Variants in S100Z observed in about 807,000 individuals in gnomAD.
S100Z encodes S100 calcium binding protein Z.
S100Z carries 11 observed loss-of-function variants against 8.5 expected under a neutral mutation model. That is an observed-to-expected ratio of 1.30 (90% CI 0.82 to 2.15). The LOEUF (loss-of-function observed/expected upper bound fraction) is 2.15. Among genes scored for constraint, S100Z ranks in the 30% most tolerant of loss-of-function variants. The pLI, the probability that S100Z is intolerant of heterozygous loss-of-function variation, is 0.00. For synonymous variants in S100Z, 34 were observed against 43.8 expected (o/e 0.78, Z 0.89); for missense variants, 126 against 117.9 (o/e 1.07, Z -0.32).
the S100Z span, among the ~76,000 whole-genome samples, chr5:76,938,819 G>A: frequency 0.13 from 20,423 of 152,040 alleles, 1,480 homozygotes; most frequent in East Asian, 0.18. Context: ...AGGGCCCCAT[G>A]TTTTTAAACT....
intron 1 of S100Z, among the ~76,000 whole-genome samples, chr5:76,862,443 A>C (rs1751086680): frequency 6.6e-6 from 1 of 152,124 alleles, no homozygotes; most frequent in South Asian, 2.1e-4. Flanking sequence ...CATAGGGTGT[A>C]GCCAATTGGA....
At chr5:76,889,709 T>C (rs1743792186) in intron 4 of S100Z, among the ~76,000 whole-genome samples, 1 of 152,256 alleles carries the variant, frequency 6.6e-6, no homozygotes, top group African/African-American at 2.4e-5. Context: ...CCAAAAGCTC[T>C]TTTCCAGTAA....
In S100Z at chr5:76,884,947, C is replaced by A. The variant is rs144770079; in HGVS notation, c.*2+7113C>A. Among the ~76,000 whole-genome samples, 1,274 of 152,214 alleles carry A rather than the reference C, an allele frequency of 8.4e-3. 18 individuals are homozygous for A. Among genetic ancestry groups the A allele is most frequent in the African/African-American group, 0.029 (1,191 of 41,510 alleles). ...GATTTGGGACGAGTCTCACTGGGAGCAGAGACTAGGGAGGAACCAATGTGT... is the reference window on the plus strand; with the variant it reads ...GATTTGGGACGAGTCTCACTGGGAGAAGAGACTAGGGAGGAACCAATGTGT... On this transcript the variant is annotated intron_variant, in intron 4 of 4. Coordinates refer to ENST00000317593, the MANE Select transcript of S100Z (RefSeq NM_130772.4).
intron 1 of S100Z, among the ~76,000 whole-genome samples, chr5:76,868,271 C>G (rs1220154742): frequency 6.6e-6 from 1 of 152,102 alleles, no homozygotes; most frequent in Admixed American, 6.5e-5. Context: ...CAGGTGCAGT[C>G]CTGGAGATTG....
chr5:76,863,605 C>G (rs1016354496), intron 1 of S100Z, among the ~76,000 whole-genome samples: 1 of 152,130 alleles, frequency 6.6e-6, no homozygotes, highest in Non-Finnish European at 1.5e-5. Context: ...GTGGCGCGAT[C>G]TCGGCTCACT....
At chr5:76,906,976 GTA>G (rs869046562) in intron 4 of S100Z, among the ~76,000 whole-genome samples, 1,759 of 21,194 alleles carry the variant, frequency 0.083, 17 homozygotes, top group Non-Finnish European at 0.1. Context: ...TTGTGTGTGT[GTA>G]TATATATATA....
At chr5:76,904,429 C>T (rs1328056954) in intron 4 of S100Z, among the ~76,000 whole-genome samples, 2 of 152,074 alleles carry the variant, frequency 1.3e-5, no homozygotes, top group Non-Finnish European at 2.9e-5. Context: ...CACTGGCACC[C>T]GCCATCATGC....
At chr5:76,851,384 G>A (rs1349970897) in intron 1 of S100Z, among the ~76,000 whole-genome samples, 1 of 152,192 alleles carries the variant, frequency 6.6e-6, no homozygotes, top group Non-Finnish European at 1.5e-5. Flanking sequence ...CAAAGTAGGT[G>A]CAGGAGGTGA....
chr5:76,893,185 ATGTT>A (rs1332248716), intron 4 of S100Z, among the ~76,000 whole-genome samples: 60 of 152,152 alleles, frequency 3.9e-4, no homozygotes, highest in Non-Finnish European at 4.4e-5. Context: ...AAACAACAGA[ATGTT>A]TGATTGGCCC....
intron 4 of S100Z, among the ~76,000 whole-genome samples, chr5:76,919,592 C>T (rs1288881131): frequency 7.1e-6 from 1 of 141,260 alleles, no homozygotes. Context: ...TTCTCTCTCC[C>T]TCTCTTTCTT....
At chr5:76,873,851 G>C (rs917039523) in intron 2 of S100Z, among the ~76,000 whole-genome samples, 1 of 152,146 alleles carries the variant, frequency 6.6e-6, no homozygotes, top group South Asian at 2.1e-4. Flanking sequence ...GTTTTTACAT[G>C]GACTCTTTCT....
chr5:76,933,713 A>G, the S100Z span, among the ~76,000 whole-genome samples: 1 of 152,176 alleles, frequency 6.6e-6, no homozygotes, highest in Non-Finnish European at 1.5e-5. Flanking sequence ...CTTCATGGCC[A>G]CACCTTTCAT....
intron 1 of S100Z, among the ~76,000 whole-genome samples, chr5:76,853,924 G>C (rs996856890): frequency 1.3e-5 from 2 of 152,134 alleles, no homozygotes; most frequent in Non-Finnish European, 1.5e-5. Flanking sequence ...TCTCATGATA[G>C]TGAGTAAGTG....
At chr5:76,856,861 T>C (rs1750895282) in intron 1 of S100Z, among the ~76,000 whole-genome samples, 1 of 152,112 alleles carries the variant, frequency 6.6e-6, no homozygotes, top group Admixed American at 6.6e-5. Context: ...ACCATCACAG[T>C]AGATGAAATT....
chr5:76,862,734 G>A (rs1311652359), intron 1 of S100Z, among the ~76,000 whole-genome samples: 3 of 152,028 alleles, frequency 2.0e-5, no homozygotes, highest in South Asian at 2.1e-4. Context: ...CCTGGGAGTC[G>A]GAGGTTGCAG....
chr5:76,875,597 C>A, intron 3 of S100Z, 97 bp downstream of exon 3: 1 of 1,130,426 alleles, frequency 8.8e-7, no homozygotes, highest in Non-Finnish European at 1.2e-6. Context: ...GTGATTCTGT[C>A]ACAAATGCAG....
chr5:76,893,815 C>T (rs546970076), intron 4 of S100Z, among the ~76,000 whole-genome samples: 1 of 152,284 alleles, frequency 6.6e-6, no homozygotes, highest in Admixed American at 6.5e-5. Flanking sequence ...CTTTTCTCAG[C>T]TTCTCCTTCA....
At chr5:76,912,275 C>T (rs1257483838) in intron 4 of S100Z, among the ~76,000 whole-genome samples, 1 of 152,106 alleles carries the variant, frequency 6.6e-6, no homozygotes, top group Non-Finnish European at 1.5e-5. Flanking sequence ...TGGCCTCAAC[C>T]CTGCCACTTT....
intron 1 of S100Z, among the ~76,000 whole-genome samples, chr5:76,851,134 G>A (rs748372098): frequency 3.9e-5 from 6 of 152,234 alleles, no homozygotes; most frequent in Non-Finnish European, 5.9e-5. Context: ...ACCCAGAGGC[G>A]GAGTGCTCCC....
Sources: allele counts gnomAD v4.1 joint callset (sites outside exome capture counted in the v4.1 genomes callset), GRCh38; gene constraint gnomAD v4.1.1; transcripts MANE v1.5; gene names NCBI Gene and HGNC (gene_info 2026-07-23, HGNC 2026-07-21).